The following BNC2 variants were observed in gnomAD, a reference collection of about 807,000 sequenced individuals.
BNC2 encodes basonuclin zinc finger protein 2.
BNC2 carries 20 observed loss-of-function variants against 76.3 expected under a neutral mutation model. That is an observed-to-expected ratio of 0.26 (90% CI 0.18 to 0.38). BNC2 has a LOEUF of 0.38. Among genes scored for constraint, BNC2 ranks in the 10% least tolerant of loss-of-function variants. The probability of loss-of-function intolerance (pLI) is 1.00; values close to 1 mark genes in which losing one functional copy is unlikely to be tolerated. For missense variants in BNC2, 1,382 were observed against 1,399.8 expected (o/e 0.99, Z 0.20); for synonymous variants, 582 against 514.8 (o/e 1.13, Z -1.77).
intron 5 of BNC2, among the ~76,000 whole-genome samples, chr9:16,462,755 T>C (rs1364424500): frequency 6.6e-6 from 1 of 152,204 alleles, no homozygotes; most frequent in East Asian, 1.9e-4. Flanking sequence ...TGCTTGTTCC[T>C]GGTCTTCACA....
At chr9:16,572,009 T>C (rs946363651) in intron 4 of BNC2, among the ~76,000 whole-genome samples, 1 of 152,164 alleles carries the variant, frequency 6.6e-6, no homozygotes, top group Non-Finnish European at 1.5e-5. Flanking sequence ...TGTTTTCTTT[T>C]ATGTTAGAGG....
chr9:16,614,652 A>C (rs1032668455), intron 3 of BNC2, among the ~76,000 whole-genome samples: 1 of 33,778 alleles, frequency 3.0e-5, no homozygotes, highest in Non-Finnish European at 1.5e-4. Flanking sequence ...ACATGCATGA[A>C]GTTAAAAAAA....
intron 1 of BNC2, among the ~76,000 whole-genome samples, chr9:16,817,410 C>G (rs898712246): frequency 3.3e-5 from 5 of 152,178 alleles, no homozygotes; most frequent in African/African-American, 1.2e-4. Context: ...AGCAATTAAT[C>G]ATTTCTTATA....
At chr9:16,730,456 C>T (rs1264126669) in intron 2 of BNC2, among the ~76,000 whole-genome samples, 1 of 152,154 alleles carries the variant, frequency 6.6e-6, no homozygotes, top group Non-Finnish European at 1.5e-5. Context: ...CTTTTTTCCC[C>T]CTAAACTGCA....
At chr9:16,423,217 G>C (rs1273607645) in intron 6 of BNC2, among the ~76,000 whole-genome samples, 1 of 152,164 alleles carries the variant, frequency 6.6e-6, no homozygotes, top group Non-Finnish European at 1.5e-5. Flanking sequence ...TTTATCTCTA[G>C]GAAAGAGGGA....
intron 1 of BNC2, among the ~76,000 whole-genome samples, chr9:16,842,457 A>G (rs1818856588): frequency 6.6e-6 from 1 of 152,186 alleles, no homozygotes; most frequent in East Asian, 1.9e-4. Flanking sequence ...AGTGGGTCAA[A>G]AAGTAAAAGA....
chr9:16,854,968 T>C (rs955651036), intron 1 of BNC2, among the ~76,000 whole-genome samples: 2 of 151,962 alleles, frequency 1.3e-5, no homozygotes, highest in South Asian at 2.1e-4. Flanking sequence ...ACCCTTAATA[T>C]TCTCTGCTGA....
At chr9:16,421,591 A>C (rs1345385259) in intron 6 of BNC2, among the ~76,000 whole-genome samples, 1 of 152,186 alleles carries the variant, frequency 6.6e-6, no homozygotes, top group Non-Finnish European at 1.5e-5. Flanking sequence ...AGATGCATGC[A>C]GTGTGTGGGT....
At chr9:16,708,304 C>A (rs748696038) in intron 3 of BNC2, among the ~76,000 whole-genome samples, 3 of 152,140 alleles carry the variant, frequency 2.0e-5, no homozygotes, top group Non-Finnish European at 2.9e-5. Flanking sequence ...CTGTAAGCTA[C>A]GTTTTAATTT....
intron 1 of BNC2, among the ~76,000 whole-genome samples, chr9:16,816,222 C>T (rs1401944702): frequency 6.6e-6 from 1 of 152,000 alleles, no homozygotes; most frequent in Non-Finnish European, 1.5e-5. Flanking sequence ...CACATTTATC[C>T]CCCGTGTTTG....
chr9:16,741,570 C>T (rs1824850764), intron 1 of BNC2, among the ~76,000 whole-genome samples: 1 of 152,216 alleles, frequency 6.6e-6, no homozygotes, highest in South Asian at 2.1e-4. Flanking sequence ...TGACTGGGTC[C>T]AAGAAAGTAT....
intron 3 of BNC2, among the ~76,000 whole-genome samples, chr9:16,614,761 A>G (rs955337026): frequency 6.6e-6 from 1 of 152,050 alleles, no homozygotes; most frequent in African/African-American, 2.4e-5. Flanking sequence ...AGCCTTGGCA[A>G]CACAGGGAAG....
At chr9:16,751,942 T>C (rs887305724) in intron 1 of BNC2, among the ~76,000 whole-genome samples, 2 of 151,926 alleles carry the variant, frequency 1.3e-5, no homozygotes, top group African/African-American at 2.4e-5. Context: ...GGCAAAAGAA[T>C]TGCTTGAATC....
chr9:16,430,004 A>G, intron 6 of BNC2: 1 of 511,632 alleles, frequency 2.0e-6, no homozygotes, highest in Non-Finnish European at 3.9e-6. Flanking sequence ...CAGTATCTAA[A>G]AAGAACCCCA....
Position 16,859,896 on chromosome 9 carries a change from A to G in BNC2, c.3+10750T>C, listed in dbSNP as rs112558070. Among the ~76,000 whole-genome samples, 86 of 152,360 alleles carry G rather than the reference A, an allele frequency of 5.6e-4. 2 individuals are homozygous for G. The highest frequency in any genetic ancestry group is 1.5e-3 in the African/African-American group (64 of 41,598). On this transcript the variant is annotated intron_variant, in intron 1 of 6. Transcript: ENST00000380672. ...AGCACTTTGGGAGGCCAAGGCGGGC[A>G]GAATGCTGAGGTCAAGAGTTGGAGA...
rs1563831116 is a variant in BNC2 at position 16,539,827 on chromosome 9, AGGAAG to A, written c.669+12698_669+12702del. Among the ~76,000 whole-genome samples the A allele has an allele frequency of 1.7e-3, 207 of 119,868 alleles. 2 individuals carry two copies. The East Asian group carries it at 0.029, about 17-fold the overall frequency. The allele number at this position is 119,868 out of a possible 152,430, so 78.6% of individuals were successfully genotyped here. A position where few individuals can be genotyped will look rare whatever the true frequency, so the allele number is the denominator to read the frequency against. On this transcript the variant is annotated intron_variant, in intron 5 of 6. Transcript: ENST00000380672. ...AGGAAAGGAAAGGAAAGGAAAGGAAAGGAAGGGAAGGGAAGGGAAGGGAAAGGAAA... is the reference window on the plus strand; with the variant it reads ...AGGAAAGGAAAGGAAAGGAAAGGAAAGGAAGGGAAGGGAAGGGAAAGGAAA...
intron 3 of BNC2, among the ~76,000 whole-genome samples, chr9:16,675,815 G>A (rs1822621619): frequency 6.6e-6 from 1 of 152,078 alleles, no homozygotes; most frequent in Non-Finnish European, 1.5e-5. Context: ...AAGGGAAGCC[G>A]AGGCAGATCG....
Position 16,552,704 on chromosome 9 carries a change from G to C in BNC2, c.495C>G (p.Ser165=), listed in dbSNP as rs1818703674. The change falls in exon 5 of 7, where the codon TCC becomes TCG. Residue 165 remains serine (S), a synonymous_variant. Transcript: ENST00000380672. ...YHPTQVEIVQ[S]NVVFDISSLM... Reference sequence around the variant, plus strand: ...GGCTGCTGATGTCAAACACGACGTTGGACTGCACAATCTCCACTTGGGTGG... The same window carrying C: ...GGCTGCTGATGTCAAACACGACGTTCGACTGCACAATCTCCACTTGGGTGG... 6.2e-7 allele frequency: 1 copy of C among 1,614,080 alleles called. No homozygotes were observed. The highest frequency in any genetic ancestry group is 1.3e-5 in the African/African-American group (1 of 74,934).
At chr9:16,530,168 G>T (rs1020117796) in intron 5 of BNC2, among the ~76,000 whole-genome samples, 15 of 145,768 alleles carry the variant, frequency 1.0e-4, no homozygotes, top group East Asian at 8.0e-4. Flanking sequence ...TTTGTTTTTT[G>T]TTTTTTTTTT....
Sources: gnomAD v4.1 joint callset for allele counts (sites outside exome capture counted in the v4.1 genomes callset) on GRCh38, gnomAD v4.1.1 for gene constraint, MANE v1.5 for transcripts, NCBI Gene and HGNC (gene_info 2026-07-23, HGNC 2026-07-21) for gene names.